The following SLC39A11 variants were observed in gnomAD, a reference collection of about 807,000 sequenced individuals.
The protein encoded by SLC39A11 is solute carrier family 39 member 11.
In SLC39A11, 33 loss-of-function variants were observed where a neutral mutation model predicts 36.1. The ratio of observed to expected loss-of-function variants is 0.91; its 90% CI spans 0.69 to 1.22. The LOEUF (loss-of-function observed/expected upper bound fraction) is 1.22, where lower values mean the gene tolerates loss of function less well. Ranked by LOEUF, SLC39A11 falls within the 50% of genes most tolerant of loss-of-function variation. SLC39A11 has a pLI of 0.00. For missense variants in SLC39A11, 432 were observed against 430.3 expected (o/e 1.00, Z -0.03); for synonymous variants, 166 against 170.3 (o/e 0.97, Z 0.20).
intron 6 of SLC39A11, among the ~76,000 whole-genome samples, chr17:72,831,173 C>T (rs1452062479): frequency 6.6e-6 from 1 of 151,956 alleles, no homozygotes; most frequent in Admixed American, 6.6e-5. Context: ...TCTTCCCTAA[C>T]ATCTCTGAGA....
rs950132729 is a variant in SLC39A11 at position 72,864,288 on chromosome 17, G to A, written c.431-14484C>T. On this transcript the variant is annotated intron_variant, in intron 5 of 9. Coordinates refer to ENST00000255559, the MANE Select transcript of SLC39A11 (RefSeq NM_139177.4). ...CCAGATAGTTGGTTTAGGCAAATCA[G>A]AGACAGAATATAAGCATCGGCTTTT... 8.6e-5 allele frequency among the ~76,000 whole-genome samples: 13 copies of A among 150,854 alleles called. No individual in the cohort carries two copies. The South Asian group carries it at 2.7e-3, about 32-fold the overall frequency.
At chr17:72,956,248 T>C (rs957726959) in intron 4 of SLC39A11, among the ~76,000 whole-genome samples, 2 of 152,220 alleles carry the variant, frequency 1.3e-5, no homozygotes, top group African/African-American at 2.4e-5. Context: ...ACTCAAACTA[T>C]CTTGTGAGAG....
At chr17:73,001,564 A>C (rs1437963878) in intron 4 of SLC39A11, among the ~76,000 whole-genome samples, 1 of 150,314 alleles carries the variant, frequency 6.7e-6, no homozygotes, top group Non-Finnish European at 1.5e-5. Context: ...AAAGTATAAT[A>C]ATAATAAAAA....
chr17:73,078,495 G>GT (rs201222507), intron 3 of SLC39A11, among the ~76,000 whole-genome samples: 31,809 of 145,684 alleles, frequency 0.22, 3,715 homozygotes, highest in Non-Finnish European at 0.26. Flanking sequence ...GTTTTTTGTT[G>GT]TTTTTTTTTT....
chr17:72,899,220 AC>A (rs1366231561), intron 5 of SLC39A11, among the ~76,000 whole-genome samples: 6 of 138,828 alleles, frequency 4.3e-5, no homozygotes, highest in Non-Finnish European at 9.4e-5. Flanking sequence ...AGCAACCCCC[AC>A]CCCAAGCCCC....
chr17:72,996,774 G>C (rs2089537778), intron 4 of SLC39A11, among the ~76,000 whole-genome samples: 1 of 152,082 alleles, frequency 6.6e-6, no homozygotes, highest in African/African-American at 2.4e-5. Context: ...TATATTTTGG[G>C]AGACACTATT....
At chr17:72,670,204 CACACACACAT>C (rs761013335) in intron 7 of SLC39A11, among the ~76,000 whole-genome samples, 8,282 of 79,474 alleles carry the variant, frequency 0.1, 325 homozygotes, top group Admixed American at 0.13. Flanking sequence ...CACACACACA[CACACACACAT>C]ATATATATAT....
At chr17:72,663,074 T>C (rs1413633524) in intron 7 of SLC39A11, among the ~76,000 whole-genome samples, 2 of 152,204 alleles carry the variant, frequency 1.3e-5, no homozygotes, top group African/African-American at 4.8e-5. Flanking sequence ...TGAGAAAAAC[T>C]AGACACAAAA....
At chr17:72,971,146 C>T (rs1186505256) in intron 4 of SLC39A11, among the ~76,000 whole-genome samples, 4 of 152,092 alleles carry the variant, frequency 2.6e-5, no homozygotes, top group Admixed American at 6.5e-5. Context: ...AGAAGGAAGA[C>T]GATAAAATGC....
intron 5 of SLC39A11, among the ~76,000 whole-genome samples, chr17:72,941,089 C>A (rs1012412700): frequency 1.3e-5 from 2 of 151,776 alleles, no homozygotes; most frequent in Non-Finnish European, 2.9e-5. Flanking sequence ...CTGGGCAACA[C>A]GGCAAAATGC....
At chr17:72,694,805 G>A (rs901521536) in intron 7 of SLC39A11, among the ~76,000 whole-genome samples, 6 of 152,182 alleles carry the variant, frequency 3.9e-5, no homozygotes, top group African/African-American at 1.4e-4. Context: ...GTCATCCCAG[G>A]CTACTTTGCC....
At chr17:72,892,035 AT>A (rs71154924) in intron 5 of SLC39A11, among the ~76,000 whole-genome samples, 1,920 of 66,968 alleles carry the variant, frequency 0.029, 49 homozygotes, top group African/African-American at 0.087. Flanking sequence ...AGATAAGACT[AT>A]TTTTTTTCCC....
At chr17:72,729,440 TATATATATATATATATA>T (rs1567995038) in intron 7 of SLC39A11, among the ~76,000 whole-genome samples, 136 of 5,290 alleles carry the variant, frequency 0.026, 10 homozygotes, top group African/African-American at 0.071. Context: ...TATATATATA[TATATATATATATATATA>T]TTTTTTTTTT....
intron 4 of SLC39A11, among the ~76,000 whole-genome samples, chr17:72,988,520 C>T (rs1285347102): frequency 6.6e-6 from 1 of 152,020 alleles, no homozygotes; most frequent in African/African-American, 2.4e-5. Flanking sequence ...CTCTAGTCAC[C>T]CTACTGTGCT....
chr17:72,704,574 C>T (rs536589510), intron 7 of SLC39A11, among the ~76,000 whole-genome samples: 1 of 152,322 alleles, frequency 6.6e-6, no homozygotes, highest in East Asian at 1.9e-4. Context: ...ATGGTAGACT[C>T]TATGCATAAA....
chr17:72,988,245 G>A (rs1300979499), intron 4 of SLC39A11, among the ~76,000 whole-genome samples: 4 of 152,216 alleles, frequency 2.6e-5, no homozygotes, highest in East Asian at 3.9e-4. Context: ...CTGAGGCCAG[G>A]AGTTCAAAAC....
At chr17:72,881,738 T>C (rs780972984) in intron 5 of SLC39A11, among the ~76,000 whole-genome samples, 1 of 152,230 alleles carries the variant, frequency 6.6e-6, no homozygotes, top group Non-Finnish European at 1.5e-5. Context: ...CACCTTTAAA[T>C]TGTCTTCAAA....
At chr17:73,062,475 A>AAAAAAAAAAAAAAAAC (rs56021607) in intron 3 of SLC39A11, among the ~76,000 whole-genome samples, 2,102 of 86,766 alleles carry the variant, frequency 0.024, 388 homozygotes, top group East Asian at 0.12. Context: ...AAAAAAAAAA[A>AAAAAAAAAAAAAAAAC]AAACTTTAGG....
At chr17:72,970,860 C>T (rs1477105960) in intron 4 of SLC39A11, among the ~76,000 whole-genome samples, 3 of 152,230 alleles carry the variant, frequency 2.0e-5, no homozygotes, top group African/African-American at 4.8e-5. Context: ...ACAGCTCCTT[C>T]GAGCTGGCCG....
Sources: gnomAD v4.1 joint callset for allele counts (sites outside exome capture counted in the v4.1 genomes callset) on GRCh38, gnomAD v4.1.1 for gene constraint, MANE v1.5 for transcripts, NCBI Gene and HGNC (gene_info 2026-07-23, HGNC 2026-07-21) for gene names.